The following AKR1E2 variants were observed in gnomAD, a reference collection of about 807,000 sequenced individuals.
AKR1E2 encodes aldo-keto reductase family 1 member E2, also known as 1,5-anhydro-D-fructose reductase.
Under a neutral mutation model 41.9 loss-of-function variants are expected in AKR1E2, and 43 were observed. The observed-to-expected ratio is 1.03, with a 90% CI of 0.80 to 1.32. The LOEUF (loss-of-function observed/expected upper bound fraction) is 1.32, where lower values mean the gene tolerates loss of function less well. AKR1E2 is among the 40% of genes most tolerant of loss of function. AKR1E2 has a pLI of 0.00. For missense variants in AKR1E2, 423 were observed against 396.5 expected (o/e 1.07, Z -0.57); for synonymous variants, 121 against 138.9 (o/e 0.87, Z 0.91).
chr10:4,869,193 T>C, the AKR1E2 span, among the ~76,000 whole-genome samples: 3 of 152,152 alleles, frequency 2.0e-5, no homozygotes, highest in African/African-American at 7.2e-5. Flanking sequence ...GTTTTAAAAT[T>C]ATAAACTCAA....
chr10:4,842,668 G>C (rs1833984050), intron 8 of AKR1E2, among the ~76,000 whole-genome samples, 164 bp downstream of exon 8: 1 of 152,170 alleles, frequency 6.6e-6, no homozygotes, highest in African/African-American at 2.4e-5. Context: ...AGCGATCAAA[G>C]GACCCAGGCT....
the AKR1E2 span, among the ~76,000 whole-genome samples, chr10:4,865,840 A>G: frequency 2.6e-5 from 4 of 152,212 alleles, no homozygotes; most frequent in Admixed American, 2.6e-4. Context: ...CGTTGCCACC[A>G]CATGCTCAAG....
At chr10:4,867,970 C>T in the AKR1E2 span, among the ~76,000 whole-genome samples, 1 of 152,280 alleles carries the variant, frequency 6.6e-6, no homozygotes, top group Non-Finnish European at 1.5e-5. Flanking sequence ...CCAGAGCAGG[C>T]ACACTCTAAT....
the AKR1E2 span, among the ~76,000 whole-genome samples, chr10:4,861,259 T>G: frequency 6.6e-5 from 10 of 152,300 alleles, no homozygotes; most frequent in African/African-American, 2.4e-4. Flanking sequence ...AAAGAAGATT[T>G]AATGTGTTAT....
At chr10:4,838,181 C>T (rs1564266632) in intron 5 of AKR1E2, among the ~76,000 whole-genome samples, 1 of 152,216 alleles carries the variant, frequency 6.6e-6, no homozygotes, top group Non-Finnish European at 1.5e-5. Context: ...AGCTCTGGGA[C>T]TAGCATCCAG....
At chr10:4,860,614 C>T in the AKR1E2 span, among the ~76,000 whole-genome samples, 1 of 152,166 alleles carries the variant, frequency 6.6e-6, no homozygotes, top group Middle Eastern at 3.2e-3. Context: ...TATGAATGTA[C>T]TGCTTTACTA....
the AKR1E2 span, among the ~76,000 whole-genome samples, chr10:4,860,593 A>T: frequency 2.0e-5 from 3 of 152,178 alleles, no homozygotes; most frequent in African/African-American, 7.2e-5. Context: ...ATGTTTATTG[A>T]TTTATTACTA....
At chr10:4,839,307 ATCTC>A (rs965871439) in intron 5 of AKR1E2, among the ~76,000 whole-genome samples, 1 of 152,216 alleles carries the variant, frequency 6.6e-6, no homozygotes, top group African/African-American at 2.4e-5. Context: ...TCAAACAAAA[ATCTC>A]TATCTTCATG....
chr10:4,854,593 T>C, the AKR1E2 span, among the ~76,000 whole-genome samples: 2 of 151,844 alleles, frequency 1.3e-5, no homozygotes, highest in South Asian at 4.2e-4. Context: ...AAGTGGTGGG[T>C]GGGGTCCAGT....
chr10:4,826,052 T>C (rs1009207865), upstream of AKR1E2: 56 of 389,054 alleles, frequency 1.4e-4, 1 homozygote, highest in Non-Finnish European at 9.1e-6. Flanking sequence ...AGCGCGGTGC[T>C]TCCAGCCATT....
rs74428177 is a variant in AKR1E2, at chr10:4,844,865, C to T, written c.838-2283C>T. On this transcript the variant is annotated intron_variant, in intron 8 of 9. Coordinates refer to ENST00000298375, the MANE Select transcript of AKR1E2 (RefSeq NM_001040177.3). ...CTAGCTGGCTTCACCCAGTGGATCC[C>T]GCACGGGGCCGCAGGTGAAGGCGCC... Among the ~76,000 whole-genome samples the T allele has an allele frequency of 9.7e-4, 148 of 152,374 alleles. 2 individuals carry two copies. The East Asian group carries it at 0.026, about 27-fold the overall frequency.
chr10:4,852,766 T>G (rs1834552188), downstream of AKR1E2, among the ~76,000 whole-genome samples: 1 of 152,210 alleles, frequency 6.6e-6, no homozygotes, highest in South Asian at 2.1e-4. Flanking sequence ...AATATTTTAT[T>G]CTTTTTTTTG....
At chr10:4,839,104 G>C (rs1282117968) in intron 5 of AKR1E2, among the ~76,000 whole-genome samples, 2 of 152,318 alleles carry the variant, frequency 1.3e-5, no homozygotes, top group Admixed American at 6.5e-5. Flanking sequence ...ATATGTGAGA[G>C]TTTGGAGAAT....
At chr10:4,862,194 T>G in the AKR1E2 span, among the ~76,000 whole-genome samples, 3 of 152,224 alleles carry the variant, frequency 2.0e-5, no homozygotes, top group African/African-American at 7.2e-5. Flanking sequence ...GGGAATCCTT[T>G]CCCCGTTTCT....
chr10:4,855,550 G>A, the AKR1E2 span, among the ~76,000 whole-genome samples: 1 of 141,548 alleles, frequency 7.1e-6, no homozygotes, highest in Non-Finnish European at 1.6e-5. Context: ...CACAATGGCA[G>A]CCCAGGTTCA....
At chr10:4,826,808 G>T (rs1437344608) in intron 1 of AKR1E2, among the ~76,000 whole-genome samples, 1 of 152,170 alleles carries the variant, frequency 6.6e-6, no homozygotes, top group Non-Finnish European at 1.5e-5. Flanking sequence ...CGGGCGTGGG[G>T]TGCGGGCTTG....
Position 4,830,844 on chromosome 10 carries a change from T to C in AKR1E2, c.207+2T>C. ...GAGGATCTGTTCATTGCCACTAAGG[T>C]AGGGCTTCTCTATGCAAGGCTGGCA... On this transcript the variant is annotated splice_donor_variant, in intron 2 of 9. Transcript: ENST00000298375. LOFTEE classifies it high-confidence loss of function. The C allele has an allele frequency of 6.2e-7, 1 of 1,613,944 alleles. No individual in the cohort carries two copies. Among genetic ancestry groups the C allele is most frequent in the Non-Finnish European group, 8.5e-7 (1 of 1,179,918 alleles).
the AKR1E2 span, among the ~76,000 whole-genome samples, chr10:4,856,132 A>G: frequency 6.6e-6 from 1 of 152,266 alleles, no homozygotes; most frequent in Non-Finnish European, 1.5e-5. Flanking sequence ...CATGCAAGGT[A>G]TGTAAAGAAA....
At chr10:4,853,702 A>G in the AKR1E2 span, among the ~76,000 whole-genome samples, 11 of 146,518 alleles carry the variant, frequency 7.5e-5, no homozygotes, top group African/African-American at 2.7e-4. Context: ...AATCAGAGCA[A>G]CTCCACCTTG....
Sources: gnomAD v4.1 joint callset for allele counts (sites outside exome capture counted in the v4.1 genomes callset) on GRCh38, gnomAD v4.1.1 for gene constraint, MANE v1.5 for transcripts, NCBI Gene and HGNC (gene_info 2026-07-23, HGNC 2026-07-21) for gene names.